Variants in SPAG16 observed in about 807,000 individuals in gnomAD.
The protein encoded by SPAG16 is sperm associated antigen 16.
In SPAG16, 86 loss-of-function variants were observed where a neutral mutation model predicts 80.4. The observed-to-expected ratio is 1.07, with a 90% confidence interval of 0.90 to 1.28. The LOEUF (loss-of-function observed/expected upper bound fraction) is 1.28. Ranked by LOEUF, SPAG16 falls within the 50% of genes most tolerant of loss-of-function variation. The probability of loss-of-function intolerance (pLI) is 0.00; values close to 1 mark genes in which losing one functional copy is unlikely to be tolerated. For missense variants in SPAG16, 870 were observed against 765.3 expected (o/e 1.14, Z -1.61); for synonymous variants, 294 against 265.9 (o/e 1.11, Z -1.03).
At chr2:213,686,407 C>A (rs1374024804) in intron 10 of SPAG16, among the ~76,000 whole-genome samples, 1 of 151,746 alleles carries the variant, frequency 6.6e-6, no homozygotes, top group South Asian at 2.1e-4. Context: ...TGAGCCAAAG[C>A]GCCCGGCTGT....
intron 10 of SPAG16, among the ~76,000 whole-genome samples, chr2:213,492,010 C>T (rs978869505): frequency 1.3e-5 from 2 of 152,196 alleles, no homozygotes; most frequent in African/African-American, 4.8e-5. Context: ...AACTTACTTA[C>T]ATGGGACACT....
chr2:213,408,199 C>T (rs1292278896), intron 9 of SPAG16, among the ~76,000 whole-genome samples: 1 of 152,118 alleles, frequency 6.6e-6, no homozygotes, highest in Non-Finnish European at 1.5e-5. Context: ...AATTGAAGGT[C>T]TTCTCCGTGA....
At chr2:214,269,508 A>G (rs1691833801) in intron 15 of SPAG16, among the ~76,000 whole-genome samples, 1 of 152,026 alleles carries the variant, frequency 6.6e-6, no homozygotes, top group Admixed American at 6.6e-5. Flanking sequence ...TTTTTTGATC[A>G]GTGAAATGTC....
At chr2:214,126,037 TCC>T (rs1559822992) in intron 14 of SPAG16, among the ~76,000 whole-genome samples, 2,738 of 48,314 alleles carry the variant, frequency 0.057, 553 homozygotes, top group Non-Finnish European at 0.073. Flanking sequence ...CTTCCTTCCT[TCC>T]TTCCTTCCTT....
At chr2:214,229,661 TA>T (rs1688554175) in intron 15 of SPAG16, among the ~76,000 whole-genome samples, 1 of 151,590 alleles carries the variant, frequency 6.6e-6, no homozygotes, top group Non-Finnish European at 1.5e-5. Context: ...TTTGGAAGAT[TA>T]AAAACAAAAA....
At position 213,929,741 on chromosome 2, in the gene SPAG16, C is replaced by T. The variant is rs540188993; in HGVS notation, c.1215-219C>T. ...TAGCAGAATTAATCTAGAAACTGCA[C>T]AGCAGCAGTTTCTCTCTTCAGCTTG... On this transcript the variant is annotated intron_variant, in intron 11 of 15. Coordinates refer to ENST00000331683, the MANE Select transcript of SPAG16 (RefSeq NM_024532.5). Among the ~76,000 whole-genome samples the T allele has an allele frequency of 3.2e-4, 49 of 152,246 alleles. No individual in the cohort carries two copies. In the South Asian group the frequency reaches 8.5e-3, roughly 26 times the overall value.
At chr2:213,833,954 A>G (rs537585697) in intron 10 of SPAG16, among the ~76,000 whole-genome samples, 13 of 152,122 alleles carry the variant, frequency 8.5e-5, no homozygotes, top group African/African-American at 2.9e-4. Flanking sequence ...CTTGAATTTT[A>G]TCTCCCAGAA....
chr2:213,740,780 GAT>G (rs1290380846), intron 10 of SPAG16, among the ~76,000 whole-genome samples: 44 of 152,334 alleles, frequency 2.9e-4, no homozygotes, highest in Non-Finnish European at 7.4e-5. Context: ...GTGGGGTAAA[GAT>G]GGGGCGTGAA....
At chr2:213,560,328 G>A (rs1241491985) in intron 10 of SPAG16, among the ~76,000 whole-genome samples, 1 of 152,006 alleles carries the variant, frequency 6.6e-6, no homozygotes, top group Non-Finnish European at 1.5e-5. Flanking sequence ...GTAACTCCTT[G>A]AACTAACAAA....
At chr2:213,652,775 A>G (rs2063069968) in intron 10 of SPAG16, among the ~76,000 whole-genome samples, 1 of 152,104 alleles carries the variant, frequency 6.6e-6, no homozygotes, top group Non-Finnish European at 1.5e-5. Flanking sequence ...TGTGAGATAT[A>G]TGGTTTACAA....
At chr2:214,229,422 A>G (rs1202637438) in intron 15 of SPAG16, among the ~76,000 whole-genome samples, 1 of 151,786 alleles carries the variant, frequency 6.6e-6, no homozygotes, top group Admixed American at 6.6e-5. Flanking sequence ...GAACAGTGCA[A>G]ACATTTTTAA....
chr2:214,305,149 T>C (rs1022016902), intron 15 of SPAG16, among the ~76,000 whole-genome samples: 9 of 152,228 alleles, frequency 5.9e-5, no homozygotes, highest in African/African-American at 2.4e-5. Flanking sequence ...TTTTTTCATA[T>C]GTTCGTTAGC....
intron 15 of SPAG16, among the ~76,000 whole-genome samples, chr2:214,287,220 C>T (rs1010028624): frequency 7.2e-5 from 11 of 152,148 alleles, no homozygotes; most frequent in African/African-American, 1.7e-4. Context: ...TGAATGATTG[C>T]TGAACTCTAT....
chr2:213,660,607 T>G (rs2063389419), intron 10 of SPAG16, among the ~76,000 whole-genome samples: 2 of 152,044 alleles, frequency 1.3e-5, no homozygotes, highest in Admixed American at 1.3e-4. Context: ...TGCACCATAA[T>G]CTAAGTCCAG....
chr2:214,372,412 A>T (rs1439319995), intron 15 of SPAG16, among the ~76,000 whole-genome samples: 2 of 152,186 alleles, frequency 1.3e-5, no homozygotes, highest in Non-Finnish European at 2.9e-5. Context: ...TTCCTAAAAC[A>T]AAAAAATCAA....
intron 9 of SPAG16, among the ~76,000 whole-genome samples, chr2:213,424,222 G>A (rs1274564944): frequency 6.6e-6 from 1 of 152,174 alleles, no homozygotes; most frequent in Admixed American, 6.5e-5. Flanking sequence ...GATATATGAG[G>A]AGGGAAATTT....
chr2:213,837,668 C>T (rs1192436164), intron 10 of SPAG16, among the ~76,000 whole-genome samples: 1 of 152,052 alleles, frequency 6.6e-6, no homozygotes, highest in Non-Finnish European at 1.5e-5. Flanking sequence ...ATGTCCATGC[C>T]CCAAAACCCG....
chr2:213,713,886 A>G (rs1024325674), intron 10 of SPAG16, among the ~76,000 whole-genome samples: 1 of 152,212 alleles, frequency 6.6e-6, no homozygotes, highest in African/African-American at 2.4e-5. Context: ...GGGGAAATTG[A>G]ACAAAGTATA....
At chr2:213,825,042 A>C (rs2073189297) in intron 10 of SPAG16, among the ~76,000 whole-genome samples, 1 of 152,046 alleles carries the variant, frequency 6.6e-6, no homozygotes. Context: ...TGGCATGTAG[A>C]AATGTAGAAA....
Sources: allele counts gnomAD v4.1 joint callset (sites outside exome capture counted in the v4.1 genomes callset), GRCh38; gene constraint gnomAD v4.1.1; transcripts MANE v1.5; gene names NCBI Gene and HGNC (gene_info 2026-07-23, HGNC 2026-07-21).